IQCJ: variants seen among roughly 807,000 people sequenced by gnomAD.
The protein encoded by IQCJ is IQ motif containing J, also known as IQ domain-containing protein J.
A neutral mutation model predicts 11.0 loss-of-function variants in IQCJ; 9 were observed. That is an observed-to-expected ratio of 0.82 (90% CI 0.49 to 1.43). The LOEUF is 1.43. Among genes scored for constraint, IQCJ ranks in the 40% most tolerant of loss-of-function variants. The pLI is 0.00. For synonymous variants in IQCJ, 55 were observed against 51.3 expected, an observed-to-expected ratio of 1.07 and a Z score of -0.31; for missense variants, 146 against 133.2, an observed-to-expected ratio of 1.10 and a Z score of -0.47.
intron 1 of IQCJ, among the ~76,000 whole-genome samples, chr3:159,104,755 T>C (rs978209492): frequency 1.3e-5 from 2 of 152,258 alleles, no homozygotes; most frequent in African/African-American, 4.8e-5. Context: ...AAGTAGCACT[T>C]ATTATTATAC....
intron 1 of IQCJ, among the ~76,000 whole-genome samples, chr3:159,082,523 C>A (rs968087727): frequency 6.6e-6 from 1 of 150,682 alleles, no homozygotes; most frequent in Admixed American, 6.6e-5. Context: ...AGTGTTGAGG[C>A]GAGAGGCCCA....
chr3:159,103,032 C>T (rs1319380652), intron 1 of IQCJ, among the ~76,000 whole-genome samples: 1 of 152,172 alleles, frequency 6.6e-6, no homozygotes, highest in East Asian at 1.9e-4. Context: ...ATCTCTGTAT[C>T]TTACACTAGC....
At chr3:159,134,723 C>T (rs1022212292) in intron 1 of IQCJ, among the ~76,000 whole-genome samples, 2 of 152,142 alleles carry the variant, frequency 1.3e-5, no homozygotes, top group East Asian at 3.8e-4. Context: ...AGAAGACCAG[C>T]CCCACTTCCA....
chr3:159,090,216 C>T (rs536525555), intron 1 of IQCJ, among the ~76,000 whole-genome samples: 7 of 151,750 alleles, frequency 4.6e-5, no homozygotes, highest in African/African-American at 9.7e-5. Context: ...TGGGGTGCCT[C>T]CCGGTTAGGC....
At chr3:159,139,257 T>C (rs1720466201) in intron 1 of IQCJ, among the ~76,000 whole-genome samples, 1 of 152,220 alleles carries the variant, frequency 6.6e-6, no homozygotes, top group African/African-American at 2.4e-5. Flanking sequence ...AGTTTGGTCC[T>C]GAAGTAACAA....
intron 1 of IQCJ, among the ~76,000 whole-genome samples, chr3:159,180,900 C>G (rs1178455687): frequency 6.6e-6 from 1 of 151,956 alleles, no homozygotes; most frequent in Admixed American, 6.5e-5. Flanking sequence ...AGTTATATGT[C>G]CAGCTCTGTA....
intron 1 of IQCJ, among the ~76,000 whole-genome samples, chr3:159,130,944 C>T (rs1719956415): frequency 6.6e-6 from 1 of 152,146 alleles, no homozygotes. Flanking sequence ...TTAATTGCTC[C>T]TTTAATCCTT....
intron 1 of IQCJ, among the ~76,000 whole-genome samples, chr3:159,077,653 G>T (rs1716014284): frequency 6.6e-6 from 1 of 152,052 alleles, no homozygotes; most frequent in South Asian, 2.1e-4. Context: ...ACATCCATTT[G>T]CTTGTATAGT....
chr3:159,092,509 C>T (rs1313271086), intron 1 of IQCJ, among the ~76,000 whole-genome samples: 1 of 151,746 alleles, frequency 6.6e-6, no homozygotes, highest in Non-Finnish European at 1.5e-5. Context: ...ACAATCCTGG[C>T]TAACACGGTG....
At chr3:159,096,330 A>G (rs1183054072) in intron 1 of IQCJ, among the ~76,000 whole-genome samples, 1 of 150,444 alleles carries the variant, frequency 6.6e-6, no homozygotes, top group East Asian at 2.0e-4. Context: ...GTTCACTCTG[A>G]TGGTAGTTTC....
intron 1 of IQCJ, among the ~76,000 whole-genome samples, chr3:159,221,820 T>TAAAAAAAAAAAAAAAA (rs59547898): frequency 1.0e-5 from 1 of 99,070 alleles, no homozygotes; most frequent in Non-Finnish European, 2.2e-5. Flanking sequence ...CAAGAAAGAA[T>TAAAAAAAAAAAAAAAA]AAAAAAAAAA....
chr3:159,190,638 T>C (rs4645169), intron 1 of IQCJ, among the ~76,000 whole-genome samples: 103,461 of 152,108 alleles, frequency 0.68, 35,838 homozygotes, highest in African/African-American at 0.8. Flanking sequence ...AAGCTATAGC[T>C]GAAGGGAGGT....
intron 1 of IQCJ, among the ~76,000 whole-genome samples, chr3:159,146,439 C>T (rs1226261995): frequency 6.6e-6 from 1 of 152,152 alleles, no homozygotes; most frequent in East Asian, 1.9e-4. Context: ...CTTTAGATTT[C>T]AGCCACATAA....
At chr3:159,093,395 G>A (rs564167742) in intron 1 of IQCJ, among the ~76,000 whole-genome samples, 2 of 151,808 alleles carry the variant, frequency 1.3e-5, no homozygotes, top group East Asian at 3.9e-4. Flanking sequence ...CTAATTCTTC[G>A]ATAATAGATG....
At chr3:159,126,942 TCAG>T (rs1719711691) in intron 1 of IQCJ, among the ~76,000 whole-genome samples, 1 of 152,194 alleles carries the variant, frequency 6.6e-6, no homozygotes, top group Non-Finnish European at 1.5e-5. Flanking sequence ...CATAGGTGGG[TCAG>T]CCGGTGGTTG....
chr3:159,147,618 G>T (rs887310087), intron 1 of IQCJ, among the ~76,000 whole-genome samples: 2 of 152,186 alleles, frequency 1.3e-5, no homozygotes, highest in African/African-American at 2.4e-5. Flanking sequence ...TCTGAAGAAG[G>T]TGTGGTTGGG....
rs34153369 is a variant in IQCJ at position 159,245,458 on chromosome 3, C to CTTT, written c.10-366_10-364dup. On this transcript the variant is annotated intron_variant, in intron 1 of 3. Coordinates refer to ENST00000397832, the MANE Select transcript of IQCJ (RefSeq NM_001042706.3). ...CTTAACCATCACAAAGTCCTGAATTCTTTTTTTTTTTTTTTTTTTTTGAGA... is the reference window on the plus strand; with the variant it reads ...CTTAACCATCACAAAGTCCTGAATTCTTTTTTTTTTTTTTTTTTTTTTTTGAGA... Among the ~76,000 whole-genome samples, 631 of 113,030 alleles carry CTTT rather than the reference C, an allele frequency of 5.6e-3. 21 individuals carry two copies. Among genetic ancestry groups the CTTT allele is most frequent in the Middle Eastern group, 0.01 (2 of 192 alleles). The allele number at this position is 113,030 out of a possible 152,430, so 74.2% of individuals were successfully genotyped here. A position where few individuals can be genotyped will look rare whatever the true frequency, so the allele number is the denominator to read the frequency against.
intron 1 of IQCJ, among the ~76,000 whole-genome samples, chr3:159,162,104 C>G (rs895449311): frequency 6.6e-6 from 1 of 152,152 alleles, no homozygotes; most frequent in African/African-American, 2.4e-5. Flanking sequence ...GGCATTGAAT[C>G]TGTAAATTAC....
chr3:159,142,109 G>A (rs1720637059), intron 1 of IQCJ, among the ~76,000 whole-genome samples: 1 of 152,134 alleles, frequency 6.6e-6, no homozygotes, highest in Non-Finnish European at 1.5e-5. Context: ...TTACTGTTCT[G>A]TTTCCTCCAT....
Sources: allele counts gnomAD v4.1 joint callset (sites outside exome capture counted in the v4.1 genomes callset), GRCh38; gene constraint gnomAD v4.1.1; transcripts MANE v1.5; gene names NCBI Gene and HGNC (gene_info 2026-07-23, HGNC 2026-07-21).